FAM185A: variants seen among roughly 807,000 people sequenced by gnomAD.
FAM185A encodes the protein protein FAM185A.
A neutral mutation model predicts 45.7 loss-of-function variants in FAM185A; 21 were observed. That is an observed-to-expected ratio of 0.46 (90% CI 0.33 to 0.66). The LOEUF (loss-of-function observed/expected upper bound fraction) is 0.66. FAM185A is among the 30% of genes least tolerant of loss of function. The pLI is 0.03. For missense variants in FAM185A, 305 were observed against 485.4 expected (o/e 0.63, Z 3.49); for synonymous variants, 117 against 194.0 (o/e 0.60, Z 3.30).
At chr7:102,821,618 G>A in the FAM185A span, among the ~76,000 whole-genome samples, 4 of 152,148 alleles carry the variant, frequency 2.6e-5, no homozygotes, top group African/African-American at 7.2e-5. Flanking sequence ...CTCATTTTAA[G>A]CATTTCATAT....
chr7:102,801,846 C>T (rs186973184), intron 7 of FAM185A, among the ~76,000 whole-genome samples: 21 of 151,614 alleles, frequency 1.4e-4, no homozygotes, highest in African/African-American at 3.9e-4. Context: ...TGCTTGAACC[C>T]GGGAGGCAGA....
At chr7:102,769,236 T>C (rs917884841) in intron 4 of FAM185A, among the ~76,000 whole-genome samples, 4 of 152,046 alleles carry the variant, frequency 2.6e-5, no homozygotes, top group Admixed American at 6.6e-5. Context: ...ATTATGCTTT[T>C]AGTATACAGT....
In FAM185A at chr7:102,763,317, T is replaced by A. The variant is rs536480703; in HGVS notation, c.793+1906T>A. Among the ~76,000 whole-genome samples, 208 of 136,054 alleles carry A rather than the reference T, an allele frequency of 1.5e-3. 1 individual carries two copies. Among genetic ancestry groups the A allele is most frequent in the African/African-American group, 5.2e-3 (200 of 38,766 alleles). 89.3% of individuals were successfully genotyped at this position (136,054 alleles called of 152,430 possible). ...CCTTTTTATATTTACTGACCTTTAATATGAAATCAGATACCTTTCCTTAGC... is the reference window on the plus strand; with the variant it reads ...CCTTTTTATATTTACTGACCTTTAAAATGAAATCAGATACCTTTCCTTAGC... On this transcript the variant is annotated intron_variant, in intron 4 of 7. Coordinates refer to ENST00000413034, the MANE Select transcript of FAM185A (RefSeq NM_001145268.2).
chr7:102,835,999 G>T, the FAM185A span, among the ~76,000 whole-genome samples: 1 of 152,138 alleles, frequency 6.6e-6, no homozygotes, highest in Non-Finnish European at 1.5e-5. Flanking sequence ...AAGCAAGAAA[G>T]AATATTTAAA....
the FAM185A span, among the ~76,000 whole-genome samples, chr7:102,833,842 A>G: frequency 2.0e-5 from 3 of 151,894 alleles, no homozygotes; most frequent in Non-Finnish European, 4.4e-5. Flanking sequence ...CTTTATATCA[A>G]TACTTCTTAA....
At chr7:102,769,112 GTTTT>G (rs1162762874) in intron 4 of FAM185A, among the ~76,000 whole-genome samples, 1 of 152,010 alleles carries the variant, frequency 6.6e-6, no homozygotes, top group Non-Finnish European at 1.5e-5. Flanking sequence ...TTGAAAATAA[GTTTT>G]TGTTTACTGT....
the FAM185A span, among the ~76,000 whole-genome samples, chr7:102,818,277 T>C: frequency 6.6e-6 from 1 of 152,344 alleles, no homozygotes; most frequent in South Asian, 2.1e-4. Flanking sequence ...GAATGTAATA[T>C]AAAGGCGAAG....
chr7:102,779,011 C>A (rs1795245395), intron 6 of FAM185A, among the ~76,000 whole-genome samples: 1 of 152,150 alleles, frequency 6.6e-6, no homozygotes, highest in African/African-American at 2.4e-5. Flanking sequence ...ATATGGTGAC[C>A]TTCTTAATTC....
intron 6 of FAM185A, among the ~76,000 whole-genome samples, chr7:102,784,260 G>A (rs1240894898): frequency 1.3e-5 from 2 of 151,688 alleles, no homozygotes; most frequent in East Asian, 1.9e-4. Context: ...GAGGTACAAG[G>A]AGGAGCTGGT....
Position 102,767,223 on chromosome 7 carries a change from C to T in FAM185A, c.794-5186C>T, listed in dbSNP as rs1794466835. ...TATTGATATTTACTACAGTGTCTGT[C>T]CTAAGTGCAGCTCCTTAGAGACATT... On this transcript the variant is annotated intron_variant, in intron 4 of 7. Coordinates refer to ENST00000413034, the MANE Select transcript of FAM185A (RefSeq NM_001145268.2). Among the ~76,000 whole-genome samples the T allele has an allele frequency of 8.2e-5, 12 of 146,110 alleles. No homozygotes were observed. In the South Asian group the frequency reaches 2.6e-3, roughly 32 times the overall value.
At chr7:102,793,698 T>C (rs915386221) in intron 7 of FAM185A, among the ~76,000 whole-genome samples, 3 of 152,010 alleles carry the variant, frequency 2.0e-5, no homozygotes, top group Non-Finnish European at 4.4e-5. Context: ...AGATTACATA[T>C]GGACTCTGTT....
Position 102,749,729 on chromosome 7 carries a change from C to T in FAM185A, c.451+71C>T, listed in dbSNP as rs17132616. On this transcript the variant is annotated intron_variant, in intron 1 of 7. Coordinates refer to ENST00000413034, the MANE Select transcript of FAM185A (RefSeq NM_001145268.2). ...CAGTGAACTTAATAAATGTGGTCGACGTGCACTTTTAATTGGTCCTGGCTC... is the reference window on the plus strand; with the variant it reads ...CAGTGAACTTAATAAATGTGGTCGATGTGCACTTTTAATTGGTCCTGGCTC... 976 of 1,493,626 alleles carry T rather than the reference C, an allele frequency of 6.5e-4. 13 individuals carry two copies. The East Asian group carries it at 0.018, about 28-fold the overall frequency. 92.5% of individuals were successfully genotyped at this position (1,493,626 alleles called of 1,614,324 possible).
intron 4 of FAM185A, among the ~76,000 whole-genome samples, chr7:102,765,817 T>C (rs1392339374): frequency 6.6e-6 from 1 of 151,482 alleles, no homozygotes; most frequent in Non-Finnish European, 1.5e-5. Context: ...TTATTAAATA[T>C]TCACTTTCTG....
chr7:102,823,076 C>G, the FAM185A span, among the ~76,000 whole-genome samples: 814 of 152,072 alleles, frequency 5.4e-3, 13 homozygotes, highest in African/African-American at 0.019. Context: ...GCCCTGCCCA[C>G]CCCCCACACA....
At chr7:102,822,180 C>T in the FAM185A span, 13 of 1,614,004 alleles carry the variant, frequency 8.1e-6, no homozygotes, top group African/African-American at 1.3e-5. Flanking sequence ...TTGCCGATAA[C>T]ATCTCCATTG....
At chr7:102,766,818 G>C (rs1403296413) in intron 4 of FAM185A, among the ~76,000 whole-genome samples, 1 of 151,726 alleles carries the variant, frequency 6.6e-6, no homozygotes, top group Admixed American at 6.6e-5. Context: ...GTTTTTGAGA[G>C]AAGTCTCACT....
the FAM185A span, among the ~76,000 whole-genome samples, chr7:102,837,732 A>G: frequency 6.6e-6 from 1 of 152,168 alleles, no homozygotes; most frequent in East Asian, 1.9e-4. Flanking sequence ...TTATAGAGAC[A>G]GGGTCTCACT....
chr7:102,829,011 G>A, the FAM185A span, among the ~76,000 whole-genome samples: 248 of 152,292 alleles, frequency 1.6e-3, no homozygotes, highest in African/African-American at 5.6e-3. Flanking sequence ...AGGATAGGGG[G>A]TACTGACTGG....
the FAM185A span, chr7:102,816,413 C>A: frequency 6.6e-6 from 1 of 152,284 alleles, no homozygotes; most frequent in Admixed American, 6.5e-5. Context: ...ATAGACTATT[C>A]CCTATTCCAC....
Sources: gnomAD v4.1 joint callset for allele counts (sites outside exome capture counted in the v4.1 genomes callset) on GRCh38, gnomAD v4.1.1 for gene constraint, MANE v1.5 for transcripts, NCBI Gene and HGNC (gene_info 2026-07-23, HGNC 2026-07-21) for gene names.